NEK8: variants seen among roughly 807,000 people sequenced by gnomAD.
The protein encoded by NEK8 is serine/threonine-protein kinase Nek8.
NEK8 carries 51 observed loss-of-function variants against 77.2 expected under a neutral mutation model. The observed-to-expected ratio is 0.66, with a 90% confidence interval of 0.53 to 0.83. The LOEUF is 0.83. NEK8 is among the 40% of genes least tolerant of loss of function. The probability of loss-of-function intolerance (pLI) is 0.00; values close to 1 mark genes in which losing one functional copy is unlikely to be tolerated. For synonymous variants in NEK8, 365 were observed against 363.2 expected, an observed-to-expected ratio of 1.00 and a Z score of -0.06; for missense variants, 787 against 909.2, an observed-to-expected ratio of 0.87 and a Z score of 1.73.
Position 28,740,716 on chromosome 17 carries a change from G to A in NEK8, c.1568+103G>A. 2 of 1,576,956 alleles carry A rather than the reference G, an allele frequency of 1.3e-6. No individual in the cohort carries two copies. Among genetic ancestry groups the A allele is most frequent in the South Asian group, 1.1e-5 (1 of 90,334 alleles). ...TTCACCAAAGACCAGAATTGAGGGG[G>A]TTGAGGGTGCTATTGGTTCAACCCA... On this transcript the variant is annotated intron_variant, in intron 11 of 14. Coordinates refer to ENST00000268766, the MANE Select transcript of NEK8 (RefSeq NM_178170.3). This position sits in a 1 kb window ranked among gnomAD's most constrained non-coding sequence, Gnocchi z 4.7.
chr17:28,734,148 G>A lies in NEK8; in HGVS notation c.213G>A (p.Leu71=). 6.2e-7 allele frequency: 1 copy of A among 1,614,222 alleles called. No homozygotes were observed. The highest frequency in any genetic ancestry group is 2.2e-5 in the East Asian group (1 of 44,884). ...PNVIEYYENF[L]EDKALMIAME... Reference sequence around the variant, plus strand: ...TCATTGAGTACTACGAGAACTTCCTGGAAGACAAAGCCCTTATGATCGCCA... The same window carrying A: ...TCATTGAGTACTACGAGAACTTCCTAGAAGACAAAGCCCTTATGATCGCCA... Residue 71 remains leucine (L), a synonymous_variant, in exon 2 of 15, where the codon CTG becomes CTA. Coordinates refer to ENST00000268766, the MANE Select transcript of NEK8 (RefSeq NM_178170.3).
Position 28,740,701 on chromosome 17 carries a change from A to T in NEK8, c.1568+88A>T. The T allele has an allele frequency of 6.3e-7, 1 of 1,588,136 alleles. No individual in the cohort carries two copies. Among genetic ancestry groups the T allele is most frequent in the Non-Finnish European group, 8.6e-7 (1 of 1,157,330 alleles). ...CATCATTGCCTACCTTTCACCAAAG[A>T]CCAGAATTGAGGGGGTTGAGGGTGC... On this transcript the variant is annotated intron_variant, in intron 11 of 14. Transcript: ENST00000268766. This position sits in a 1 kb window ranked among gnomAD's most constrained non-coding sequence, Gnocchi z 4.7.
At position 28,741,067 on chromosome 17, in the gene NEK8, C is replaced by T. The variant is rs2034416176; in HGVS notation, c.1733-11C>T. On this transcript the variant is annotated splice_polypyrimidine_tract_variant and intron_variant, in intron 12 of 14. Transcript: ENST00000268766. This position sits in a 1 kb window ranked among gnomAD's most constrained non-coding sequence, Gnocchi z 4.5. The stretch of plus-strand genomic sequence containing the variant: ...CTGTTGAAGCACCCCTTTCCTTCCT[C>T]TCCCCCATAGCCTCGGGTGATTGCT... 6 of 1,614,230 alleles carry T rather than the reference C, an allele frequency of 3.7e-6. No homozygotes were observed. The highest frequency in any genetic ancestry group is 5.1e-6 in the Non-Finnish European group (6 of 1,180,034).
chr17:28,732,526 C>T (rs1426194313), intron 1 of NEK8, among the ~76,000 whole-genome samples: 1 of 139,288 alleles, frequency 7.2e-6, no homozygotes, highest in Admixed American at 7.2e-5. Context: ...GATTCTAGGG[C>T]GATTTTCTTT....
chr17:28,736,285 C>T (rs1293789239), intron 4 of NEK8, among the ~76,000 whole-genome samples: 1 of 152,060 alleles, frequency 6.6e-6, no homozygotes, highest in Non-Finnish European at 1.5e-5. Context: ...TTTGGGTATA[C>T]ACCCAGTAAT....
In NEK8 at chr17:28,739,193, G is replaced by A. The variant is rs767447089; in HGVS notation, c.1409G>A (p.Gly470Glu). The change falls in exon 10 of 15, where the codon GGA becomes GAA. Residue 470 changes from glycine (G) to glutamate (E), a missense_variant. Coordinates refer to ENST00000268766, the MANE Select transcript of NEK8 (RefSeq NM_178170.3). ...TERELFAWGRGDSGRLGLGTR... is the reference protein window; with the variant it reads ...TERELFAWGREDSGRLGLGTR... ...CGAGAACTATTTGCCTGGGGCCGTGGAGACAGCGGTAAGCTCCAGCCTTTA... is the reference window on the plus strand; with the variant it reads ...CGAGAACTATTTGCCTGGGGCCGTGAAGACAGCGGTAAGCTCCAGCCTTTA... The A allele has an allele frequency of 6.2e-7, 1 of 1,612,584 alleles. No homozygotes were observed. Among genetic ancestry groups the A allele is most frequent in the South Asian group, 1.1e-5 (1 of 91,058 alleles).
At position 28,738,758 on chromosome 17, in the gene NEK8, C is replaced by G. The variant is rs200901333; in HGVS notation, c.1299+11C>G. ...ACTGACATCAGCCAGGTGGGTGTCA[C>G]ATATACCTTGGGAAGGGGAAGTCGG... On this transcript the variant is annotated intron_variant, in intron 9 of 14. Coordinates refer to ENST00000268766, the MANE Select transcript of NEK8 (RefSeq NM_178170.3). The G allele has an allele frequency of 6.2e-7, 1 of 1,608,148 alleles. No homozygotes were observed. Among genetic ancestry groups the G allele is most frequent in the Non-Finnish European group, 8.5e-7 (1 of 1,174,640 alleles).
chr17:28,731,908 A>ATTTTTTTTTTTTT (rs71135844), intron 1 of NEK8, among the ~76,000 whole-genome samples: 10 of 52,528 alleles, frequency 1.9e-4, no homozygotes, highest in African/African-American at 7.1e-4. Context: ...CCTGGCCCCA[A>ATTTTTTTTTTTTT]TTTTTTTTTT....
intron 2 of NEK8, 51 bp from the exon 3 acceptor site, chr17:28,734,721 T>A: frequency 8.0e-7 from 1 of 1,246,874 alleles, no homozygotes; most frequent in Non-Finnish European, 1.2e-6. Flanking sequence ...TGGAGAGGGG[T>A]TGTCGTAGGT....
Position 28,741,964 on chromosome 17 carries a change from A to C in NEK8, c.2056A>C (p.Thr686Pro), listed in dbSNP as rs934721359. The C allele has an allele frequency of 1.1e-5, 18 of 1,614,014 alleles. No individual in the cohort carries two copies. The highest frequency in any genetic ancestry group is 1.4e-5 in the Non-Finnish European group (17 of 1,180,014). Reference sequence around the variant, plus strand: ...TTCTCTTCGGTACCCTCCAGCGGTCACAGATGAGCCGGTCCCCCCCTGAGG... The same window carrying C: ...TTCTCTTCGGTACCCTCCAGCGGTCCCAGATGAGCCGGTCCCCCCCTGAGG... Reference protein sequence around the residue: ...GNTLLAVRSVTDEPVPP With the variant: ...GNTLLAVRSVPDEPVPP The change falls in exon 15 of 15, where the codon ACA becomes CCA. Residue 686 changes from threonine (T) to proline (P), a missense_variant. By Grantham distance (38) the Thr-to-Pro change is conservative. Coordinates refer to ENST00000268766, the MANE Select transcript of NEK8 (RefSeq NM_178170.3). This position sits in a 1 kb window ranked among gnomAD's most constrained non-coding sequence, Gnocchi z 4.5.
At chr17:28,735,202 C>T in intron 3 of NEK8, 38 bp from the exon 4 acceptor site, 1 of 1,613,232 alleles carries the variant, frequency 6.2e-7, no homozygotes, top group Non-Finnish European at 8.5e-7. Flanking sequence ...CTGGTCTTCC[C>T]TCCCTGCAGG....
rs1363467108 is a variant in NEK8 at position 28,728,790 on chromosome 17, G to A, written c.-24G>A. The A allele has an allele frequency of 3.9e-6, 6 of 1,549,804 alleles. No homozygotes were observed. The highest frequency in any genetic ancestry group is 2.4e-5 in the South Asian group (2 of 84,038). On this transcript the variant is annotated 5_prime_UTR_variant, in exon 1 of 15. Transcript: ENST00000268766. Reference sequence around the variant, plus strand: ...TCCGCGCACGCGCCGCGTGGGGGACGGAAGTGAAACTCTAAGAAATGAGAT... The same window carrying A: ...TCCGCGCACGCGCCGCGTGGGGGACAGAAGTGAAACTCTAAGAAATGAGAT...
rs754139223 is a variant in NEK8 at position 28,734,771 on chromosome 17, G to T, written c.254-1G>T. The T allele has an allele frequency of 6.2e-7, 1 of 1,611,576 alleles. No homozygotes were observed. Among genetic ancestry groups the T allele is most frequent in the Non-Finnish European group, 8.5e-7 (1 of 1,178,256 alleles). On this transcript the variant is annotated splice_acceptor_variant, in intron 2 of 14. Transcript: ENST00000268766. LOFTEE classifies it high-confidence loss of function. Reference sequence around the variant, plus strand: ...ATCTTGATTAGTCCCTTGGGCCACAGGCGGCACTCTGGCTGAGTTCATCCA... The same window carrying T: ...ATCTTGATTAGTCCCTTGGGCCACATGCGGCACTCTGGCTGAGTTCATCCA...
chr17:28,742,031 T>G lies in NEK8; in HGVS notation c.*44T>G. 1 of 1,588,116 alleles carries G rather than the reference T, an allele frequency of 6.3e-7. No individual in the cohort carries two copies. The highest frequency in any genetic ancestry group is 2.2e-5 in the East Asian group (1 of 44,768). The stretch of plus-strand genomic sequence containing the variant: ...TGGACCACCCTGATATTGCTTCTCC[T>G]CTGAATGCTCTGAAAAGTGCAGGTG... On this transcript the variant is annotated 3_prime_UTR_variant, in exon 15 of 15. Coordinates refer to ENST00000268766, the MANE Select transcript of NEK8 (RefSeq NM_178170.3).
Position 28,743,240 on chromosome 17 carries a change from C to T in NEK8, c.*1253C>T, listed in dbSNP as rs1345146337. ...GTCCCCGGGAGTGCTGCCACCTCCCCTACACTTTCATCCTGAGGCAGGATT... is the reference window on the plus strand; with the variant it reads ...GTCCCCGGGAGTGCTGCCACCTCCCTTACACTTTCATCCTGAGGCAGGATT... On this transcript the variant is annotated 3_prime_UTR_variant, in exon 15 of 15. Coordinates refer to ENST00000268766, the MANE Select transcript of NEK8 (RefSeq NM_178170.3). 2 of 152,220 alleles carry T rather than the reference C, an allele frequency of 1.3e-5. No homozygotes were observed. Among genetic ancestry groups the T allele is most frequent in the Admixed American group, 6.5e-5 (1 of 15,270 alleles). The allele number at this position is 152,220 out of a possible 1,614,324, so 9.4% of individuals were successfully genotyped here.
Position 28,742,352 on chromosome 17 carries a change from G to A in NEK8, c.*365G>A. The A allele has an allele frequency of 1.4e-5, 5 of 364,540 alleles. No homozygotes were observed. Among genetic ancestry groups the A allele is most frequent in the South Asian group, 1.2e-4 (5 of 42,862 alleles). 22.6% of individuals were successfully genotyped at this position (364,540 alleles called of 1,614,324 possible). ...CTCACGCCTGTAATCCCAGCACTTT[G>A]GGAGGCTGAGGCGGGCGGATCACGA... is the stretch of plus-strand genomic sequence containing the variant. On this transcript the variant is annotated 3_prime_UTR_variant, in exon 15 of 15. Transcript: ENST00000268766.
intron 10 of NEK8, 32 bp downstream of exon 10, chr17:28,739,233 G>A: frequency 6.9e-7 from 1 of 1,442,050 alleles, no homozygotes; most frequent in South Asian, 1.1e-5. Flanking sequence ...CCATCTCACA[G>A]CATCCTCAGC....
chr17:28,735,042 G>T, intron 3 of NEK8, 38 bp downstream of exon 3: 1 of 1,554,524 alleles, frequency 6.4e-7, no homozygotes, highest in South Asian at 1.1e-5. Context: ...GGCACTAGAA[G>T]TCTTGAGGGC....
At position 28,734,193 on chromosome 17, in the gene NEK8, G is replaced by A. The variant is rs768264404; in HGVS notation, c.253+5G>A. The A allele has an allele frequency of 1.2e-5, 19 of 1,613,782 alleles. No individual in the cohort carries two copies. The highest frequency in any genetic ancestry group is 1.5e-5 in the Non-Finnish European group (18 of 1,179,636). On this transcript the variant is annotated splice_donor_5th_base_variant and intron_variant, in intron 2 of 14. Transcript: ENST00000268766. ...TCGCCATGGAATATGCACCAGGTGG[G>A]CCAGCCTCCTTACAGTGGCCTGGCT... is the stretch of plus-strand genomic sequence containing the variant.
Sources: allele counts gnomAD v4.1 joint callset (sites outside exome capture counted in the v4.1 genomes callset), GRCh38; gene constraint gnomAD v4.1.1; non-coding constraint Gnocchi (gnomAD v3.1); transcripts MANE v1.5; gene names NCBI Gene and HGNC (gene_info 2026-07-23, HGNC 2026-07-21).